DPP10: variants seen among roughly 807,000 people sequenced by gnomAD.
The protein encoded by DPP10 is inactive dipeptidyl peptidase 10.
A neutral mutation model predicts 120.9 loss-of-function variants in DPP10; 33 were observed. That is an observed-to-expected ratio of 0.27 (90% CI 0.21 to 0.37). DPP10 has a LOEUF of 0.37. Ranked by LOEUF, DPP10 falls within the 10% of genes least tolerant of loss-of-function variation. DPP10 has a pLI of 1.00. For missense variants in DPP10, 816 were observed against 942.8 expected (o/e 0.87, Z 1.76); for synonymous variants, 337 against 326.1 (o/e 1.03, Z -0.36).
At chr2:115,445,821 A>T (rs1210630420) in intron 3 of DPP10, among the ~76,000 whole-genome samples, 2 of 152,216 alleles carry the variant, frequency 1.3e-5, no homozygotes, top group African/African-American at 4.8e-5. Flanking sequence ...AATGAGGAAA[A>T]TGTCTTCAGA....
chr2:115,490,851 G>A (rs1246476903), intron 3 of DPP10, among the ~76,000 whole-genome samples: 1 of 152,226 alleles, frequency 6.6e-6, no homozygotes, highest in Non-Finnish European at 1.5e-5. Context: ...GTGCGTGGTG[G>A]CTCACGCCCA....
In DPP10 at chr2:115,120,675, T is replaced by A. The variant is rs535323885; in HGVS notation, c.61-188564T>A. Among the ~76,000 whole-genome samples, 4 of 152,290 alleles carry A rather than the reference T, an allele frequency of 2.6e-5. No individual in the cohort carries two copies. The East Asian group carries it at 5.8e-4, about 22-fold the overall frequency. On this transcript the variant is annotated intron_variant, in intron 1 of 25. Transcript: ENST00000410059. ...AGTAGACCTAATAACCTTTACAATT[T>A]TACATTTTTTTAAATAAATTCCCTT...
intron 19 of DPP10, among the ~76,000 whole-genome samples, chr2:115,805,373 G>A (rs1202096659): frequency 5.9e-5 from 9 of 152,188 alleles, no homozygotes; most frequent in South Asian, 4.1e-4. Context: ...GACCCCTTGC[G>A]CTTCCCGGGT....
intron 1 of DPP10, among the ~76,000 whole-genome samples, chr2:115,172,017 C>G (rs957710165): frequency 3.3e-5 from 5 of 152,200 alleles, no homozygotes; most frequent in Non-Finnish European, 7.3e-5. Context: ...CAAGCTTCCC[C>G]TCTTACACTC....
At chr2:115,365,843 A>G (rs1477265007) in intron 3 of DPP10, among the ~76,000 whole-genome samples, 1 of 152,046 alleles carries the variant, frequency 6.6e-6, no homozygotes, top group Non-Finnish European at 1.5e-5. Context: ...GGGAATTAAA[A>G]TAAATGAATC....
At chr2:115,210,400 T>A (rs2056431285) in intron 1 of DPP10, among the ~76,000 whole-genome samples, 1 of 152,194 alleles carries the variant, frequency 6.6e-6, no homozygotes, top group South Asian at 2.1e-4. Context: ...TGTGCCACAT[T>A]TTCTTTATCC....
intron 5 of DPP10, among the ~76,000 whole-genome samples, chr2:115,614,210 C>T (rs761050115): frequency 5.9e-4 from 90 of 152,152 alleles, no homozygotes; most frequent in Non-Finnish European, 1.1e-3. Context: ...GAGACCAGCT[C>T]TCAGCTTATG....
chr2:115,547,044 T>A (rs182578100), intron 5 of DPP10, among the ~76,000 whole-genome samples: 1 of 152,270 alleles, frequency 6.6e-6, no homozygotes, highest in East Asian at 1.9e-4. Context: ...TAACTGATAT[T>A]TTTTTCCTTG....
At chr2:114,926,319 C>T (rs541281060) in intron 1 of DPP10, among the ~76,000 whole-genome samples, 13 of 152,272 alleles carry the variant, frequency 8.5e-5, no homozygotes, top group South Asian at 4.1e-4. Context: ...TTCACCACTG[C>T]GAGCTATTCT....
chr2:114,551,927 A>G (rs1329753615), intron 1 of DPP10, among the ~76,000 whole-genome samples: 1 of 152,250 alleles, frequency 6.6e-6, no homozygotes, highest in African/African-American at 2.4e-5. Context: ...TTGTAAATGA[A>G]TTTATGATCC....
intron 1 of DPP10, among the ~76,000 whole-genome samples, chr2:114,481,504 A>G (rs1203415071): frequency 2.0e-5 from 3 of 152,180 alleles, no homozygotes; most frequent in Admixed American, 6.6e-5. Context: ...ATAACTAGCA[A>G]TTGTACTCTT....
intron 1 of DPP10, among the ~76,000 whole-genome samples, chr2:114,648,542 T>C (rs1459705509): frequency 1.3e-5 from 2 of 152,150 alleles, no homozygotes; most frequent in Non-Finnish European, 1.5e-5. Context: ...CACAAGGAAA[T>C]AGAGAATTTT....
intron 1 of DPP10, among the ~76,000 whole-genome samples, chr2:115,227,080 A>C (rs2057470156): frequency 6.6e-6 from 1 of 152,196 alleles, no homozygotes; most frequent in Admixed American, 6.6e-5. Context: ...GCTAAAAATA[A>C]AGACAGATAT....
intron 3 of DPP10, 91 bp downstream of exon 3, chr2:115,344,003 G>C: frequency 2.0e-6 from 2 of 1,007,480 alleles, no homozygotes; most frequent in Non-Finnish European, 2.8e-6. Context: ...GGGCGCAATG[G>C]CTTATGCCTG....
At chr2:114,967,459 A>G (rs1343034698) in intron 1 of DPP10, among the ~76,000 whole-genome samples, 7 of 152,310 alleles carry the variant, frequency 4.6e-5, no homozygotes, top group Non-Finnish European at 4.4e-5. Context: ...TGAAGCTAAG[A>G]GGAAGACTGG....
intron 1 of DPP10, among the ~76,000 whole-genome samples, chr2:115,104,997 C>T (rs1283598161): frequency 6.8e-6 from 1 of 146,628 alleles, no homozygotes. Flanking sequence ...CAGAACAAGA[C>T]TCCGTCTCAA....
chr2:114,620,811 C>G (rs932642330), intron 1 of DPP10, among the ~76,000 whole-genome samples: 1 of 151,946 alleles, frequency 6.6e-6, no homozygotes, highest in Non-Finnish European at 1.5e-5. Context: ...ACAAAAATGC[C>G]GCATCTTGGT....
intron 1 of DPP10, among the ~76,000 whole-genome samples, chr2:115,218,114 C>T (rs573502923): frequency 3.3e-5 from 5 of 152,248 alleles, no homozygotes; most frequent in Non-Finnish European, 5.9e-5. Context: ...ATGTGTTAAG[C>T]TGAACTGAAT....
intron 2 of DPP10, among the ~76,000 whole-genome samples, chr2:115,323,599 C>A (rs1018183545): frequency 5.9e-5 from 9 of 152,162 alleles, no homozygotes; most frequent in African/African-American, 1.9e-4. Flanking sequence ...GTATCTATGG[C>A]AGCCTTATCA....
Sources: gnomAD v4.1 joint callset for allele counts (sites outside exome capture counted in the v4.1 genomes callset) on GRCh38, gnomAD v4.1.1 for gene constraint, MANE v1.5 for transcripts, NCBI Gene and HGNC (gene_info 2026-07-23, HGNC 2026-07-21) for gene names.